The following LOC128706665 variants were observed in gnomAD, a reference collection of about 807,000 sequenced individuals.
At chr20:10,415,825 T>A in the LOC128706665 span, among the ~76,000 whole-genome samples, 25 of 152,284 alleles carry the variant, frequency 1.6e-4, no homozygotes, top group African/African-American at 4.6e-4. Flanking sequence ...CTTACAGTAG[T>A]GAGACCAGTA....
At chr20:10,428,485 C>G in the LOC128706665 span, among the ~76,000 whole-genome samples, 1 of 152,196 alleles carries the variant, frequency 6.6e-6, no homozygotes, top group Non-Finnish European at 1.5e-5. Flanking sequence ...GACATTATAG[C>G]TCTTTAGGTA....
the LOC128706665 span, among the ~76,000 whole-genome samples, chr20:10,433,891 G>A: frequency 1.3e-5 from 2 of 152,288 alleles, no homozygotes; most frequent in African/African-American, 4.8e-5. Context: ...GCCCGCATCC[G>A]TGCCGACCGC....
chr20:10,425,647 T>C, the LOC128706665 span, among the ~76,000 whole-genome samples: 16 of 152,362 alleles, frequency 1.1e-4, no homozygotes, highest in East Asian at 2.7e-3. Flanking sequence ...GACTGTCTTG[T>C]AGAGATTCTG....
the LOC128706665 span, among the ~76,000 whole-genome samples, chr20:10,426,441 T>A: frequency 6.6e-6 from 1 of 152,246 alleles, no homozygotes; most frequent in Non-Finnish European, 1.5e-5. Flanking sequence ...AGTCTCACTC[T>A]GTTGCCCAAG....
At chr20:10,425,945 G>C in the LOC128706665 span, among the ~76,000 whole-genome samples, 1 of 152,140 alleles carries the variant, frequency 6.6e-6, no homozygotes, top group Non-Finnish European at 1.5e-5. Flanking sequence ...GTAAATTTTA[G>C]ATCAAGTAAA....
At chr20:10,422,962 C>T in the LOC128706665 span, among the ~76,000 whole-genome samples, 235 of 152,208 alleles carry the variant, frequency 1.5e-3, 7 homozygotes, top group South Asian at 0.043. Context: ...CCGCTCGCCT[C>T]GGCCTCCCAA....
chr20:10,414,683 A>G, the LOC128706665 span, among the ~76,000 whole-genome samples: 2 of 152,190 alleles, frequency 1.3e-5, no homozygotes, highest in African/African-American at 4.8e-5. Flanking sequence ...ACAGAAGTGC[A>G]TTTATATCAA....
chr20:10,423,383 T>C, the LOC128706665 span, among the ~76,000 whole-genome samples: 1 of 151,910 alleles, frequency 6.6e-6, no homozygotes, highest in South Asian at 2.1e-4. Flanking sequence ...GATAACACCA[T>C]TGCACTCCAG....
At chr20:10,417,792 T>TA in the LOC128706665 span, among the ~76,000 whole-genome samples, 1 of 151,938 alleles carries the variant, frequency 6.6e-6, no homozygotes, top group Admixed American at 6.6e-5. Flanking sequence ...AAAAGTAAAT[T>TA]AAAAAAACAA....
the LOC128706665 span, among the ~76,000 whole-genome samples, chr20:10,433,208 G>C: frequency 6.6e-6 from 1 of 152,214 alleles, no homozygotes; most frequent in African/African-American, 2.4e-5. Flanking sequence ...GTTTCGCCAC[G>C]TTGGCCTGGC....
chr20:10,421,322 G>T, the LOC128706665 span, among the ~76,000 whole-genome samples: 1 of 151,546 alleles, frequency 6.6e-6, no homozygotes, highest in Non-Finnish European at 1.5e-5. Context: ...TACTCTGGAG[G>T]CTGAGTCAGG....
the LOC128706665 span, among the ~76,000 whole-genome samples, chr20:10,421,718 TAGACAA>T: frequency 1.7e-3 from 257 of 152,140 alleles, no homozygotes; most frequent in Non-Finnish European, 3.5e-3. Flanking sequence ...CGACCTAGTT[TAGACAA>T]AGAAACTGGG....
chr20:10,418,627 A>C, the LOC128706665 span, among the ~76,000 whole-genome samples: 1 of 152,044 alleles, frequency 6.6e-6, no homozygotes, highest in Non-Finnish European at 1.5e-5. Context: ...CTCTTACTAC[A>C]TTCACCTAAC....
the LOC128706665 span, among the ~76,000 whole-genome samples, chr20:10,425,811 C>T: frequency 6.6e-6 from 1 of 152,100 alleles, no homozygotes; most frequent in Admixed American, 6.5e-5. Context: ...GATTTTTTCC[C>T]TTCCTTACCC....
chr20:10,421,523 G>A, the LOC128706665 span, among the ~76,000 whole-genome samples: 10 of 152,044 alleles, frequency 6.6e-5, no homozygotes, highest in Admixed American at 2.0e-4. Context: ...CTGACAGGAT[G>A]TAGTGATAGT....
chr20:10,431,527 AAAACCAAACC>A, the LOC128706665 span, among the ~76,000 whole-genome samples: 42,016 of 150,676 alleles, frequency 0.28, 6,325 homozygotes, highest in African/African-American at 0.4. Flanking sequence ...ATAGGGTCAA[AAAACCAAACC>A]AAACCAAACC....
chr20:10,429,822 C>T, the LOC128706665 span, among the ~76,000 whole-genome samples: 2 of 152,172 alleles, frequency 1.3e-5, no homozygotes, highest in Non-Finnish European at 2.9e-5. Flanking sequence ...CTCAACAGTG[C>T]CATTAGCAAC....
the LOC128706665 span, among the ~76,000 whole-genome samples, chr20:10,419,401 A>G: frequency 6.6e-6 from 1 of 152,216 alleles, no homozygotes; most frequent in Non-Finnish European, 1.5e-5. Flanking sequence ...GCTATATTAT[A>G]GTAAATCAAA....
chr20:10,429,250 C>T, the LOC128706665 span, among the ~76,000 whole-genome samples: 1 of 152,166 alleles, frequency 6.6e-6, no homozygotes, highest in Non-Finnish European at 1.5e-5. Flanking sequence ...TCCCTGTAGC[C>T]TTTTGATGTG....
Sources: gnomAD v4.1 joint callset for allele counts (sites outside exome capture counted in the v4.1 genomes callset) on GRCh38, gnomAD v4.1.1 for gene constraint, MANE v1.5 for transcripts.